Variants in LRBA observed in about 807,000 individuals in gnomAD.
LRBA encodes LPS responsive beige-like anchor protein.
LRBA carries 176 observed loss-of-function variants against 330.0 expected under a neutral mutation model. That is an observed-to-expected ratio of 0.53 (90% confidence interval 0.47 to 0.60). The LOEUF is 0.60. LRBA is among the 20% of genes least tolerant of loss of function. The probability of loss-of-function intolerance (pLI) is 0.00; values close to 1 mark genes in which losing one functional copy is unlikely to be tolerated. For synonymous variants in LRBA, 1,230 were observed against 1,193.0 expected (o/e 1.03, Z -0.64); for missense variants, 3,259 against 3,444.8 (o/e 0.95, Z 1.35).
At chr4:150,917,166 T>A (rs1010706065) in intron 5 of LRBA, among the ~76,000 whole-genome samples, 14 of 151,388 alleles carry the variant, frequency 9.2e-5, no homozygotes, top group African/African-American at 3.4e-4. Flanking sequence ...AAAAAAAATA[T>A]ATATATATCT....
intron 40 of LRBA, among the ~76,000 whole-genome samples, chr4:150,496,783 A>G (rs1461001387): frequency 6.6e-6 from 1 of 152,096 alleles, no homozygotes; most frequent in Non-Finnish European, 1.5e-5. Flanking sequence ...AATATATATC[A>G]ATAACAATAT....
intron 51 of LRBA, chr4:150,314,720 A>G (rs1279676690): frequency 6.6e-6 from 1 of 152,136 alleles, no homozygotes; most frequent in Non-Finnish European, 1.5e-5. Context: ...TAACATCTTC[A>G]AAATCGAGGC....
intron 2 of LRBA, among the ~76,000 whole-genome samples, chr4:150,989,166 T>C (rs1241699931): frequency 6.6e-6 from 1 of 151,674 alleles, no homozygotes; most frequent in Non-Finnish European, 1.5e-5. Flanking sequence ...CCACCCCGCC[T>C]CACTAATTTC....
At chr4:150,797,402 C>T (rs994096213) in intron 34 of LRBA, among the ~76,000 whole-genome samples, 1 of 151,792 alleles carries the variant, frequency 6.6e-6, no homozygotes, top group Non-Finnish European at 1.5e-5. Flanking sequence ...CAAGATATCA[C>T]TTTAAAAGAC....
intron 2 of LRBA, among the ~76,000 whole-genome samples, chr4:150,938,680 A>G (rs922737627): frequency 2.0e-5 from 3 of 152,178 alleles, no homozygotes; most frequent in Admixed American, 2.0e-4. Context: ...GAATAGTGGC[A>G]AGAGCTACAG....
At chr4:150,530,205 C>T (rs933137288) in intron 40 of LRBA, among the ~76,000 whole-genome samples, 3 of 152,022 alleles carry the variant, frequency 2.0e-5, no homozygotes, top group African/African-American at 4.8e-5. Context: ...AACCATAAAG[C>T]TCTTTCAGGG....
chr4:150,307,836 C>G (rs2126869863), intron 52 of LRBA, among the ~76,000 whole-genome samples: 1 of 152,218 alleles, frequency 6.6e-6, no homozygotes, highest in Admixed American at 6.5e-5. Flanking sequence ...ACTTAAACAT[C>G]TAGTAAAAGC....
chr4:150,898,050 A>C (rs1730300764), intron 14 of LRBA, among the ~76,000 whole-genome samples: 1 of 152,110 alleles, frequency 6.6e-6, no homozygotes, highest in Non-Finnish European at 1.5e-5. Flanking sequence ...ACTATGAAGA[A>C]GTTTGTACTT....
intron 47 of LRBA, among the ~76,000 whole-genome samples, chr4:150,380,986 A>C (rs987137930): frequency 7.7e-5 from 3 of 38,906 alleles, no homozygotes; most frequent in Non-Finnish European, 5.5e-5. Flanking sequence ...CCATCTCAAA[A>C]AAAAAAAAAA....
intron 40 of LRBA, among the ~76,000 whole-genome samples, chr4:150,572,018 A>T (rs1769932650): frequency 6.6e-6 from 1 of 152,012 alleles, no homozygotes; most frequent in African/African-American, 2.4e-5. Flanking sequence ...ATTATCTTGA[A>T]ATTATTTTAT....
chr4:150,970,562 C>CGTGT (rs1561074281), intron 2 of LRBA: 15 of 109,444 alleles, frequency 1.4e-4, no homozygotes, highest in African/African-American at 4.9e-4. Context: ...TGTGTACACA[C>CGTGT]ACACACACAC....
intron 2 of LRBA, among the ~76,000 whole-genome samples, chr4:150,967,852 T>G (rs1167194575): frequency 6.6e-6 from 1 of 152,178 alleles, no homozygotes; most frequent in African/African-American, 2.4e-5. Context: ...AAATGTGGTA[T>G]GTGTTCTATA....
At chr4:150,639,753 A>AGG (rs1778347886) in intron 37 of LRBA, among the ~76,000 whole-genome samples, 1 of 26,386 alleles carries the variant, frequency 3.8e-5, no homozygotes. Flanking sequence ...ATATATATAT[A>AGG]TATATATATA....
intron 48 of LRBA, among the ~76,000 whole-genome samples, chr4:150,337,090 T>A (rs971819001): frequency 6.6e-6 from 1 of 152,106 alleles, no homozygotes; most frequent in Non-Finnish European, 1.5e-5. Flanking sequence ...GGAAAAAAAC[T>A]CAACAATATC....
At chr4:150,883,052 C>T (rs1728572532) in intron 17 of LRBA, among the ~76,000 whole-genome samples, 1 of 152,128 alleles carries the variant, frequency 6.6e-6, no homozygotes, top group African/African-American at 2.4e-5. Flanking sequence ...CAATAAAGAC[C>T]ATCCCCCCTC....
At chr4:150,291,208 C>G (rs1287649021) in intron 53 of LRBA, among the ~76,000 whole-genome samples, 4 of 147,848 alleles carry the variant, frequency 2.7e-5, no homozygotes, top group Non-Finnish European at 5.9e-5. Context: ...CAACAAAAGA[C>G]AAAATTGACA....
chr4:150,817,044 TTA>T, intron 31 of LRBA, 78 bp downstream of exon 31: 1 of 1,317,782 alleles, frequency 7.6e-7, no homozygotes, highest in Non-Finnish European at 1.1e-6. Flanking sequence ...CCCCCAAATT[TTA>T]AGTTAATCAA....
intron 37 of LRBA, among the ~76,000 whole-genome samples, chr4:150,645,108 A>G (rs970317937): frequency 1.3e-5 from 2 of 151,300 alleles, no homozygotes; most frequent in East Asian, 3.9e-4. Context: ...AATTCAAAAA[A>G]AAGTTTTTTT....
At position 150,467,771 on chromosome 4, in the gene LRBA, C is replaced by A. The variant is rs747796818; in HGVS notation, c.6682G>T (p.Asp2228Tyr). The A allele has an allele frequency of 6.4e-7, 1 of 1,552,572 alleles. No individual in the cohort carries two copies. Among genetic ancestry groups the A allele is most frequent in the Non-Finnish European group, 8.8e-7 (1 of 1,130,372 alleles). The stretch of plus-strand genomic sequence containing the variant: ...GGAAACACTGGATACTGATTTAAGT[C>A]ATTATAACTCCGTCCTGATAGGGAA... ...LNTIAGRSYN[D>Y]LNQYPVFPWV... Residue 2228 changes from aspartate to tyrosine, a missense_variant, in exon 44 of 57, where the codon GAC becomes TAC. Physicochemically the swap from Asp to Tyr is radical, Grantham distance 160 (BLOSUM62 -3). Coordinates refer to ENST00000651943, the MANE Select transcript of LRBA (RefSeq NM_001364905.1).
Sources: allele counts gnomAD v4.1 joint callset (sites outside exome capture counted in the v4.1 genomes callset), GRCh38; gene constraint gnomAD v4.1.1; transcripts MANE v1.5; gene names NCBI Gene and HGNC (gene_info 2026-07-23, HGNC 2026-07-21).